RECK: variants seen among roughly 807,000 people sequenced by gnomAD.
RECK encodes the protein reversion inducing cysteine rich protein with kazal motifs.
Under a neutral mutation model 115.1 loss-of-function variants are expected in RECK, and 69 were observed. That is an observed-to-expected ratio of 0.60 (90% CI 0.49 to 0.73). The LOEUF (loss-of-function observed/expected upper bound fraction) is 0.73. Ranked by LOEUF, RECK falls within the 30% of genes least tolerant of loss-of-function variation. The pLI is 0.00. For synonymous variants in RECK, 414 were observed against 419.7 expected (o/e 0.99, Z 0.17); for missense variants, 1,047 against 1,203.7 (o/e 0.87, Z 1.93).
chr9:36,101,233 G>A (rs1823556328), intron 11 of RECK, among the ~76,000 whole-genome samples: 1 of 152,168 alleles, frequency 6.6e-6, no homozygotes, highest in African/African-American at 2.4e-5. Flanking sequence ...TTACAGGCCT[G>A]AGCCACTGCG....
At chr9:36,109,400 C>T (rs528182450) in intron 14 of RECK, among the ~76,000 whole-genome samples, 1 of 152,314 alleles carries the variant, frequency 6.6e-6, no homozygotes, top group African/African-American at 2.4e-5. Context: ...GCTTTCAAAG[C>T]AGAAGGGGCA....
chr9:36,073,241 GACACACACACAC>G (rs778489595), intron 6 of RECK, among the ~76,000 whole-genome samples: 42 of 67,562 alleles, frequency 6.2e-4, no homozygotes, highest in African/African-American at 1.7e-3. Flanking sequence ...GACACACACA[GACACACACACAC>G]ACACACACAC....
rs140120838 is a variant in RECK at position 36,067,331 on chromosome 9, G to A, written c.405+1707G>A. Among the ~76,000 whole-genome samples the A allele has an allele frequency of 5.3e-5, 8 of 152,230 alleles. No individual in the cohort carries two copies. The East Asian group carries it at 9.7e-4, about 18-fold the overall frequency. On this transcript the variant is annotated intron_variant, in intron 6 of 20. Coordinates refer to ENST00000377966, the MANE Select transcript of RECK (RefSeq NM_021111.3). ...TGATCCCTGGGATGAACTTGTAGAT[G>A]TATGAGCCATTTCTATAGGCTTGCA...
At chr9:36,084,881 C>T (rs1365994931) in intron 8 of RECK, among the ~76,000 whole-genome samples, 1 of 151,930 alleles carries the variant, frequency 6.6e-6, no homozygotes, top group Non-Finnish European at 1.5e-5. Context: ...ATAGTGAGAC[C>T]CTATGTCTCC....
chr9:36,046,382 T>C (rs1308346807), intron 1 of RECK, among the ~76,000 whole-genome samples: 1 of 152,254 alleles, frequency 6.6e-6, no homozygotes, highest in African/African-American at 2.4e-5. Flanking sequence ...CGAAGTCATA[T>C]GAATGGATGT....
intron 1 of RECK, among the ~76,000 whole-genome samples, chr9:36,047,791 G>A: frequency 7.4e-6 from 1 of 135,924 alleles, no homozygotes. Context: ...CATAGAAATA[G>A]TATTAGAAAG....
Position 36,123,038 on chromosome 9 carries a change from A to G in RECK, c.2909A>G (p.Tyr970Cys), listed in dbSNP as rs771350678. The G allele has an allele frequency of 5.0e-6, 8 of 1,612,992 alleles. No individual in the cohort carries two copies. Among genetic ancestry groups the G allele is most frequent in the Admixed American group, 1.7e-5 (1 of 59,874 alleles). ...LGLALHLLWT[Y>C]N ...CTTGCCTTGCACTTGCTCTGGACAT[A>G]TAACTGACTGCCCACGGAAAGTGCA... The change falls in exon 21 of 21, where the codon TAT (tyrosine) becomes TGT (cysteine). Residue 970 changes from tyrosine (Y) to cysteine (C), a missense_variant. By Grantham distance (194) the Tyr-to-Cys change is radical. Transcript: ENST00000377966.
intron 8 of RECK, among the ~76,000 whole-genome samples, chr9:36,087,404 T>C (rs1294344330): frequency 2.0e-5 from 3 of 152,032 alleles, no homozygotes; most frequent in Non-Finnish European, 2.9e-5. Context: ...GAAAACAAAA[T>C]ACTGCATGTT....
chr9:36,065,481 C>G (rs375135780), intron 5 of RECK, 96 bp from the exon 6 acceptor site: 92 of 835,480 alleles, frequency 1.1e-4, no homozygotes, highest in Non-Finnish European at 1.5e-4. Context: ...ATAAAGGATA[C>G]TATATCAGTA....
chr9:36,114,246 A>G (rs984446478), intron 16 of RECK, among the ~76,000 whole-genome samples: 1 of 152,238 alleles, frequency 6.6e-6, no homozygotes, highest in Non-Finnish European at 1.5e-5. Context: ...TATAATTTAT[A>G]TACATACCCA....
chr9:36,088,926 C>T (rs1823059889), intron 9 of RECK, among the ~76,000 whole-genome samples: 1 of 152,120 alleles, frequency 6.6e-6, no homozygotes, highest in East Asian at 1.9e-4. Context: ...GAGGCTGAGG[C>T]AGAAGAATCA....
chr9:36,043,191 ATTTTTTTTTTTTTTT>A (rs761649232), intron 1 of RECK, among the ~76,000 whole-genome samples: 1 of 53,988 alleles, frequency 1.9e-5, no homozygotes, highest in African/African-American at 8.2e-5. Context: ...CGCCTGGCTA[ATTTTTTTTTTTTTTT>A]TTTTTTTTTG....
rs776723399 is a variant in RECK at position 36,102,095 on chromosome 9, T to C, written c.1300T>C (p.Ser434Pro). Reference sequence around the variant, plus strand: ...ACTTACGTGCATTTTTTTTTCAAGATCAGATTGTGTGGAGATTCTTAAAAA... The same window carrying C: ...ACTTACGTGCATTTTTTTTTCAAGACCAGATTGTGTGGAGATTCTTAAAAA... Reference protein sequence around the residue: ...SKSRGSIICKSDCVEILKKCG... With the variant: ...SKSRGSIICKPDCVEILKKCG... The change falls in exon 12 of 21, where the codon TCA becomes CCA. Residue 434 changes from serine to proline, a missense_variant and splice_region_variant. By Grantham distance (74) the Ser-to-Pro change is moderately conservative. Transcript: ENST00000377966. 2.8e-5 allele frequency: 45 copies of C among 1,610,714 alleles called. 1 individual carries two copies. In the South Asian group the frequency reaches 4.8e-4, roughly 17 times the overall value.
chr9:36,090,749 C>A (rs752093368), intron 9 of RECK, among the ~76,000 whole-genome samples: 4 of 152,116 alleles, frequency 2.6e-5, no homozygotes, highest in Non-Finnish European at 5.9e-5. Context: ...GTCAGAGGAC[C>A]ATGTCCTAGT....
chr9:36,114,806 C>G (rs768079804), intron 16 of RECK, among the ~76,000 whole-genome samples: 1 of 152,072 alleles, frequency 6.6e-6, no homozygotes, highest in Non-Finnish European at 1.5e-5. Flanking sequence ...GATGGTGCCA[C>G]TGCACTCCAG....
At chr9:36,041,793 A>G (rs1270848838) in intron 1 of RECK, among the ~76,000 whole-genome samples, 2 of 129,228 alleles carry the variant, frequency 1.5e-5, no homozygotes, top group African/African-American at 6.0e-5. Context: ...TTTTTTGCAC[A>G]TAGTTTCCAC....
At chr9:36,118,646 A>G in intron 17 of RECK, 111 bp from the exon 18 acceptor site, 1 of 1,030,274 alleles carries the variant, frequency 9.7e-7, no homozygotes. Flanking sequence ...CTCATAATTT[A>G]TACCTGTGTC....
chr9:36,039,808 G>A (rs1414433803), intron 1 of RECK, among the ~76,000 whole-genome samples: 1 of 152,212 alleles, frequency 6.6e-6, no homozygotes, highest in East Asian at 1.9e-4. Context: ...CCTATCTGGA[G>A]CAAAGTAATA....
At position 36,100,546 on chromosome 9, in the gene RECK, A is replaced by G. The variant is rs372896149; in HGVS notation, c.1298+3A>G. On this transcript the variant is annotated splice_donor_region_variant and intron_variant, in intron 11 of 20. Transcript: ENST00000377966. ...TCTCGGGGAAGTATTATTTGCAAGT[A>G]AGTTTCTTTCATCCTAACGATTCTC... 2 of 1,607,860 alleles carry G rather than the reference A, an allele frequency of 1.2e-6. No individual in the cohort carries two copies. Among genetic ancestry groups the G allele is most frequent in the African/African-American group, 2.7e-5 (2 of 74,784 alleles).
Sources: gnomAD v4.1 joint callset for allele counts (sites outside exome capture counted in the v4.1 genomes callset) on GRCh38, gnomAD v4.1.1 for gene constraint, MANE v1.5 for transcripts, NCBI Gene and HGNC (gene_info 2026-07-23, HGNC 2026-07-21) for gene names.